The following CCDC122 variants were observed in gnomAD, a reference collection of about 807,000 sequenced individuals.
CCDC122 encodes the protein coiled-coil domain-containing protein 122.
In CCDC122, 38 loss-of-function variants were observed where a neutral mutation model predicts 37.0. That is an observed-to-expected ratio of 1.03 (90% CI 0.79 to 1.35). CCDC122 has a LOEUF of 1.35. Ranked by LOEUF, CCDC122 falls within the 40% of genes most tolerant of loss-of-function variation. The probability of loss-of-function intolerance (pLI) is 0.00; values close to 1 mark genes in which losing one functional copy is unlikely to be tolerated. For synonymous variants in CCDC122, 83 were observed against 95.6 expected, an observed-to-expected ratio of 0.87 and a Z score of 0.77; for missense variants, 305 against 310.0, an observed-to-expected ratio of 0.98 and a Z score of 0.12.
intron 4 of CCDC122, among the ~76,000 whole-genome samples, chr13:43,860,874 CA>C (rs1300101761): frequency 6.6e-6 from 1 of 152,144 alleles, no homozygotes; most frequent in Non-Finnish European, 1.5e-5. Flanking sequence ...TCACTATATC[CA>C]AAAATTGAAT....
intron 6 of CCDC122, chr13:43,856,137 A>T (rs538318540): frequency 6.6e-6 from 1 of 152,348 alleles, no homozygotes; most frequent in South Asian, 2.1e-4. Flanking sequence ...GTTCTCACTT[A>T]TAAGTGGGAG....
intron 6 of CCDC122, among the ~76,000 whole-genome samples, chr13:43,850,738 C>T (rs1256782475): frequency 6.6e-6 from 1 of 151,986 alleles, no homozygotes; most frequent in African/African-American, 2.4e-5. Flanking sequence ...AAAGAAGGCA[C>T]AGATTTTTTA....
chr13:43,835,002 C>T (rs1410731121), downstream of CCDC122, among the ~76,000 whole-genome samples: 6 of 152,234 alleles, frequency 3.9e-5, no homozygotes, highest in South Asian at 6.2e-4. Context: ...TATAAAGACA[C>T]ATGCACACGT....
downstream of CCDC122, among the ~76,000 whole-genome samples, chr13:43,835,545 G>C (rs1012473210): frequency 5.3e-5 from 8 of 152,202 alleles, no homozygotes; most frequent in South Asian, 2.1e-4. Flanking sequence ...TATGTATTAA[G>C]GATATTTTAG....
At chr13:43,857,249 T>C (rs1389202602) in intron 6 of CCDC122, among the ~76,000 whole-genome samples, 1 of 152,212 alleles carries the variant, frequency 6.6e-6, no homozygotes, top group Admixed American at 6.5e-5. Context: ...TCTTATCACA[T>C]ACATGTGTTA....
At chr13:43,834,628 C>A (rs1953122730), downstream of CCDC122, among the ~76,000 whole-genome samples, 1 of 152,184 alleles carries the variant, frequency 6.6e-6, no homozygotes, top group African/African-American at 2.4e-5. Context: ...AAACAAACAA[C>A]CCCATTGAAA....
rs74619788 is a variant in CCDC122, at chr13:43,865,211, C to T, written c.156+3483G>A. ...AAATGCTCAAACCTGGTGAGGGGTGCGGGGAAAGTATGGGAGTAGGTTGTG... is the reference window on the plus strand; with the variant it reads ...AAATGCTCAAACCTGGTGAGGGGTGTGGGGAAAGTATGGGAGTAGGTTGTG... On this transcript the variant is annotated intron_variant, in intron 4 of 6. Transcript: ENST00000444614. 7.2e-3 allele frequency among the ~76,000 whole-genome samples: 1,099 copies of T among 152,112 alleles called. 37 individuals carry two copies. In the South Asian group the frequency reaches 0.098, roughly 14 times the overall value.
intron 6 of CCDC122, among the ~76,000 whole-genome samples, chr13:43,851,585 A>G (rs1257653079): frequency 6.6e-6 from 1 of 152,158 alleles, no homozygotes; most frequent in Non-Finnish European, 1.5e-5. Context: ...CCCAGGACTC[A>G]TGAGCACTCT....
At chr13:43,845,526 C>T (rs1953490570) in intron 6 of CCDC122, among the ~76,000 whole-genome samples, 1 of 152,156 alleles carries the variant, frequency 6.6e-6, no homozygotes, top group Admixed American at 6.5e-5. Flanking sequence ...GCCTGGCCAG[C>T]ATGGCAAAAC....
chr13:43,819,465 C>A (rs1467787295), downstream of CCDC122, among the ~76,000 whole-genome samples: 2 of 152,046 alleles, frequency 1.3e-5, no homozygotes, highest in South Asian at 2.1e-4. Context: ...GTTGAATAAT[C>A]CATGGACATC....
downstream of CCDC122, among the ~76,000 whole-genome samples, chr13:43,834,949 C>T (rs1005771878): frequency 6.6e-6 from 1 of 152,072 alleles, no homozygotes; most frequent in African/African-American, 2.4e-5. Flanking sequence ...ACCCAGCCAT[C>T]CCATTACTGG....
rs78029950 is a variant in CCDC122, at chr13:43,865,484, T to C, written c.156+3210A>G. Among the ~76,000 whole-genome samples the C allele has an allele frequency of 6.5e-3, 991 of 152,264 alleles. 37 individuals carry two copies. The South Asian group carries it at 0.098, about 15-fold the overall frequency. ...TATGTTTTTTTTTCCTATACATATATACCTATGATAAAGTTTAATATATAA... is the reference window on the plus strand; with the variant it reads ...TATGTTTTTTTTTCCTATACATATACACCTATGATAAAGTTTAATATATAA... On this transcript the variant is annotated intron_variant, in intron 4 of 6. Coordinates refer to ENST00000444614, the MANE Select transcript of CCDC122 (RefSeq NM_144974.5).
At position 43,868,788 on chromosome 13, in the gene CCDC122, C is replaced by T. The variant is rs370703884; in HGVS notation, c.62G>A (p.Ser21Asn). 176 of 1,514,852 alleles carry T rather than the reference C, an allele frequency of 1.2e-4. 2 individuals are homozygous for T. In the East Asian group the frequency reaches 2.1e-3, roughly 18 times the overall value. The allele number at this position is 1,514,852 out of a possible 1,614,324, so 93.8% of individuals were successfully genotyped here. A position where few individuals can be genotyped will look rare whatever the true frequency, so the allele number is the denominator to read the frequency against. Residue 21 changes from serine (S) to asparagine (N), a missense_variant, in exon 4 of 7, where the codon AGT becomes AAT. By Grantham distance (46) the Ser-to-Asn change is conservative (BLOSUM62 1). Transcript: ENST00000444614. ...TTTCTCTACAGCATCAGCTAATGAA[C>T]TTGTGTCTTGGTTATCTACAATTAG... is the stretch of plus-strand genomic sequence containing the variant. ...GFPKEDNQDT[S>N]SLADAVEKVA...
At chr13:43,870,955 C>G (rs752674744) in intron 2 of CCDC122, among the ~76,000 whole-genome samples, 4 of 152,064 alleles carry the variant, frequency 2.6e-5, no homozygotes, top group Admixed American at 1.3e-4. Context: ...CAAGTTACCC[C>G]CTTCCCCACT....
intron 2 of CCDC122, among the ~76,000 whole-genome samples, chr13:43,871,926 A>C (rs1954465054): frequency 1.3e-5 from 2 of 152,022 alleles, no homozygotes; most frequent in Non-Finnish European, 2.9e-5. Context: ...GCTCATTCCT[A>C]GATTACAGCA....
chr13:43,859,671 C>T lies in CCDC122; in HGVS notation c.555+1G>A, dbSNP rs768019756. ...TAGTTTTACTAAGTAATTTTGCACA[C>T]CTGTACTTGTGTTATTCGGTTCCCT... is the stretch of plus-strand genomic sequence containing the variant. On this transcript the variant is annotated splice_donor_variant, in intron 5 of 6. Transcript: ENST00000444614. LOFTEE classifies it high-confidence loss of function. The T allele has an allele frequency of 2.7e-6, 4 of 1,509,384 alleles. No homozygotes were observed. Among genetic ancestry groups the T allele is most frequent in the African/African-American group, 2.8e-5 (2 of 70,196 alleles). 93.5% of individuals were successfully genotyped at this position (1,509,384 alleles called of 1,614,324 possible).
chr13:43,838,888 G>T (rs1190837415), intron 6 of CCDC122, among the ~76,000 whole-genome samples: 1 of 152,218 alleles, frequency 6.6e-6, no homozygotes, highest in East Asian at 1.9e-4. Flanking sequence ...AAATATGATG[G>T]ATAAGCTCTT....
At chr13:43,865,717 G>A (rs766053035) in intron 4 of CCDC122, among the ~76,000 whole-genome samples, 51 of 152,084 alleles carry the variant, frequency 3.4e-4, no homozygotes, top group Non-Finnish European at 4.7e-4. Context: ...CATCTGCCTC[G>A]GCCTCCCAAA....
downstream of CCDC122, among the ~76,000 whole-genome samples, chr13:43,822,928 C>A (rs1953005772): frequency 6.6e-6 from 1 of 152,180 alleles, no homozygotes; most frequent in African/African-American, 2.4e-5. Flanking sequence ...TCTGCTGGTG[C>A]TCTACTCCCC....
Sources: gnomAD v4.1 joint callset for allele counts (sites outside exome capture counted in the v4.1 genomes callset) on GRCh38, gnomAD v4.1.1 for gene constraint, MANE v1.5 for transcripts, NCBI Gene and HGNC (gene_info 2026-07-23, HGNC 2026-07-21) for gene names.